PALM2AKAP2: variants seen among roughly 807,000 people sequenced by gnomAD.
The protein encoded by PALM2AKAP2 is PALM2 and AKAP2 fusion.
Under a neutral mutation model 71.5 loss-of-function variants are expected in PALM2AKAP2, and 37 were observed. The ratio of observed to expected loss-of-function variants is 0.52; its 90% CI spans 0.40 to 0.68. The LOEUF (loss-of-function observed/expected upper bound fraction) is 0.68. Ranked by LOEUF, PALM2AKAP2 falls within the 30% of genes least tolerant of loss-of-function variation. The pLI, the probability that PALM2AKAP2 is intolerant of heterozygous loss-of-function variation, is 0.00. For synonymous variants in PALM2AKAP2, 468 were observed against 478.8 expected (o/e 0.98, Z 0.29); for missense variants, 1,224 against 1,191.8 (o/e 1.03, Z -0.40).
At chr9:110,047,487 G>T (rs1176962568), upstream of PALM2AKAP2, among the ~76,000 whole-genome samples, 1 of 152,202 alleles carries the variant, frequency 6.6e-6, no homozygotes, top group East Asian at 1.9e-4. Flanking sequence ...CATGGCTATT[G>T]TCTTTCCCTG....
chr9:109,642,962 T>G (rs1827092840), intron 1 of PALM2AKAP2, among the ~76,000 whole-genome samples: 1 of 151,172 alleles, frequency 6.6e-6, no homozygotes, highest in South Asian at 2.1e-4. Flanking sequence ...AGTTTGAGAA[T>G]GCGCTGAGCT....
chr9:109,822,044 T>C (rs903174473), intron 1 of PALM2AKAP2, among the ~76,000 whole-genome samples: 4 of 152,230 alleles, frequency 2.6e-5, no homozygotes, highest in African/African-American at 9.6e-5. Context: ...ACCAGACTTA[T>C]CATTGCATGT....
chr9:109,821,841 T>G (rs544430056), intron 1 of PALM2AKAP2, among the ~76,000 whole-genome samples: 1 of 152,226 alleles, frequency 6.6e-6, no homozygotes, highest in African/African-American at 2.4e-5. Flanking sequence ...CTTTGTAAAC[T>G]GATCTTCTTG....
intron 1 of PALM2AKAP2, among the ~76,000 whole-genome samples, chr9:109,798,737 A>T (rs746305836): frequency 6.6e-6 from 1 of 152,184 alleles, no homozygotes; most frequent in Non-Finnish European, 1.5e-5. Context: ...AACATGCCTC[A>T]TATGTTCACA....
intron 3 of PALM2AKAP2, among the ~76,000 whole-genome samples, chr9:109,893,597 C>T (rs1028763027): frequency 7.2e-5 from 11 of 152,072 alleles, no homozygotes; most frequent in African/African-American, 2.4e-4. Flanking sequence ...AGTTGTGTGC[C>T]ACCACACCCA....
At position 109,813,357 on chromosome 9, in the gene PALM2AKAP2, T is replaced by C. The variant is rs370418357; in HGVS notation, c.45+32824T>C. 3.9e-5 allele frequency among the ~76,000 whole-genome samples: 6 copies of C among 152,342 alleles called. No homozygotes were observed. In the East Asian group the frequency reaches 9.6e-4, roughly 24 times the overall value. ...TTAATTCAGAAGCTGATGAGATGTC[T>C]AAATCACATCTATAGAATAAGTGGT... On this transcript the variant is annotated intron_variant, in intron 1 of 9. Coordinates refer to the PALM2AKAP2 transcript ENST00000302798.
At chr9:109,793,713 A>G (rs1055882812) in intron 1 of PALM2AKAP2, among the ~76,000 whole-genome samples, 1 of 152,246 alleles carries the variant, frequency 6.6e-6, no homozygotes, top group African/African-American at 2.4e-5. Flanking sequence ...TTCAGCCTGC[A>G]GCCTCTTTTC....
At chr9:109,770,136 G>T (rs538257361) in intron 1 of PALM2AKAP2, among the ~76,000 whole-genome samples, 2 of 152,274 alleles carry the variant, frequency 1.3e-5, no homozygotes, top group South Asian at 4.2e-4. Flanking sequence ...GAGCTCTTGG[G>T]CTGGGTCGGA....
intron 6 of PALM2AKAP2, among the ~76,000 whole-genome samples, chr9:109,933,626 A>G (rs1329233500): frequency 6.6e-6 from 1 of 152,250 alleles, no homozygotes; most frequent in African/African-American, 2.4e-5. Flanking sequence ...TATTACCACA[A>G]CCCAGCTCCC....
intron 1 of PALM2AKAP2, chr9:110,125,635 T>G: frequency 1.0e-6 from 1 of 977,320 alleles, no homozygotes. Flanking sequence ...TGTCCTTTTC[T>G]TTCTAATTTG....
intron 5 of PALM2AKAP2, among the ~76,000 whole-genome samples, chr9:109,930,904 G>A (rs1431970293): frequency 6.6e-6 from 1 of 152,198 alleles, no homozygotes. Context: ...AGCAGCAGGT[G>A]AGCAGAGATA....
intron 2 of PALM2AKAP2, among the ~76,000 whole-genome samples, chr9:109,878,223 A>G (rs1001785477): frequency 4.6e-5 from 7 of 152,234 alleles, no homozygotes; most frequent in Admixed American, 6.5e-5. Context: ...ACGATGCCCT[A>G]TAATGTAAAA....
At chr9:109,952,187 C>T (rs2132082399) in intron 6 of PALM2AKAP2, among the ~76,000 whole-genome samples, 1 of 152,322 alleles carries the variant, frequency 6.6e-6, no homozygotes, top group African/African-American at 2.4e-5. Context: ...TGGCCATGTT[C>T]TAATAAACTT....
chr9:109,989,297 T>C (rs1157036960), intron 6 of PALM2AKAP2, among the ~76,000 whole-genome samples: 1 of 152,166 alleles, frequency 6.6e-6, no homozygotes, highest in Non-Finnish European at 1.5e-5. Flanking sequence ...TGCCCAACAA[T>C]GAATGGCAAG....
At chr9:109,823,879 A>G (rs1328159494) in intron 1 of PALM2AKAP2, among the ~76,000 whole-genome samples, 2 of 152,180 alleles carry the variant, frequency 1.3e-5, no homozygotes, top group Non-Finnish European at 2.9e-5. Context: ...ATATTCTTTC[A>G]AAGCCTTTGA....
chr9:110,130,020 C>T (rs907104513), intron 1 of PALM2AKAP2, among the ~76,000 whole-genome samples: 7 of 152,144 alleles, frequency 4.6e-5, no homozygotes, highest in South Asian at 2.1e-4. Context: ...GAGTCTTTCC[C>T]GGGCCTTTTT....
intron 1 of PALM2AKAP2, among the ~76,000 whole-genome samples, chr9:110,066,232 TA>T (rs1047695822): frequency 6.6e-5 from 10 of 152,022 alleles, no homozygotes; most frequent in African/African-American, 2.4e-4. Flanking sequence ...TTAGAGAGAG[TA>T]TGGACTTAAA....
chr9:109,843,552 A>G (rs1412678349), intron 1 of PALM2AKAP2, among the ~76,000 whole-genome samples: 2 of 152,164 alleles, frequency 1.3e-5, no homozygotes, highest in African/African-American at 4.8e-5. Context: ...ATGTGCTCAA[A>G]ATATTTTACA....
rs1411735940 is a variant in PALM2AKAP2 at position 110,023,266 on chromosome 9, C to G, written c.582+7227C>G. ...TTTTTTCCTGACTTTTTAATGATCC[C>G]CATTCTAACTGGTGTGAGATGGTAT... On this transcript the variant is annotated intron_variant, in intron 7 of 9. Coordinates refer to the PALM2AKAP2 transcript ENST00000302798. Among the ~76,000 whole-genome samples the G allele has an allele frequency of 2.7e-5, 4 of 150,058 alleles. No individual in the cohort carries two copies. The East Asian group carries it at 5.9e-4, about 22-fold the overall frequency.
Sources: allele counts gnomAD v4.1 joint callset (sites outside exome capture counted in the v4.1 genomes callset), GRCh38; gene constraint gnomAD v4.1.1; transcripts MANE v1.5; gene names NCBI Gene and HGNC (gene_info 2026-07-23, HGNC 2026-07-21).